Variants in ZSWIM5 observed in about 807,000 individuals in gnomAD.
The protein encoded by ZSWIM5 is zinc finger SWIM-type containing 5.
Under a neutral mutation model 119.6 loss-of-function variants are expected in ZSWIM5, and 55 were observed. That is an observed-to-expected ratio of 0.46 (90% CI 0.37 to 0.58). ZSWIM5 has a LOEUF of 0.58. ZSWIM5 is among the 20% of genes least tolerant of loss of function. ZSWIM5 has a pLI of 0.00. For missense variants in ZSWIM5, 1,193 were observed against 1,512.8 expected (o/e 0.79, Z 3.51); for synonymous variants, 537 against 606.9 (o/e 0.88, Z 1.69).
intron 11 of ZSWIM5, among the ~76,000 whole-genome samples, chr1:45,033,557 G>A (rs1644965119): frequency 6.6e-6 from 1 of 151,802 alleles, no homozygotes; most frequent in African/African-American, 2.4e-5. Flanking sequence ...GAGCTTAAAG[G>A]CCTGAGAATC....
intron 11 of ZSWIM5, among the ~76,000 whole-genome samples, 190 bp from the exon 12 acceptor site, chr1:45,020,978 T>C (rs1022756526): frequency 1.3e-5 from 2 of 152,098 alleles, no homozygotes; most frequent in Non-Finnish European, 2.9e-5. Context: ...CAGACCCCCA[T>C]GTGAATCCTA....
intron 1 of ZSWIM5, among the ~76,000 whole-genome samples, chr1:45,175,537 C>A (rs1460076157): frequency 2.0e-5 from 3 of 152,004 alleles, no homozygotes; most frequent in Non-Finnish European, 4.4e-5. Context: ...GCAGCCTTAA[C>A]CTTCTGGGCC....
rs1241175475 is a variant in ZSWIM5 at position 45,206,547 on chromosome 1, C to A, written c.-197G>T. 6.9e-6 allele frequency: 7 copies of A among 1,011,764 alleles called. No homozygotes were observed. Among genetic ancestry groups the A allele is most frequent in the Non-Finnish European group, 8.2e-6 (7 of 848,624 alleles). The allele number at this position is 1,011,764 out of a possible 1,614,324, so 62.7% of individuals were successfully genotyped here. On this transcript the variant is annotated 5_prime_UTR_variant, in exon 1 of 14. Coordinates refer to ENST00000359600, the MANE Select transcript of ZSWIM5 (RefSeq NM_020883.2). ...AGCGCGCCGCGAGGGCAGACGCGGGCGGCCTGCAGGGTAGCGTGAGGCGGC... is the reference window on the plus strand; with the variant it reads ...AGCGCGCCGCGAGGGCAGACGCGGGAGGCCTGCAGGGTAGCGTGAGGCGGC...
At chr1:45,193,950 A>C (rs1191086023) in intron 1 of ZSWIM5, among the ~76,000 whole-genome samples, 1 of 151,880 alleles carries the variant, frequency 6.6e-6, no homozygotes, top group African/African-American at 2.4e-5. Flanking sequence ...ATATATATAT[A>C]TATATACATA....
intron 1 of ZSWIM5, among the ~76,000 whole-genome samples, chr1:45,143,012 A>C (rs1274939419): frequency 6.6e-6 from 1 of 150,888 alleles, no homozygotes; most frequent in Non-Finnish European, 1.5e-5. Flanking sequence ...CTCTACCAAA[A>C]AAAAAAAAAA....
In ZSWIM5 at chr1:45,072,515, G is replaced by T. The variant is rs1645228106; in HGVS notation, c.953-12268C>A. 6.6e-6 allele frequency among the ~76,000 whole-genome samples: 1 copy of T among 151,916 alleles called. No individual in the cohort carries two copies. Among genetic ancestry groups the T allele is most frequent in the Admixed American group, 6.6e-5 (1 of 15,264 alleles). On this transcript the variant is annotated intron_variant, in intron 2 of 13. Coordinates refer to ENST00000359600, the MANE Select transcript of ZSWIM5 (RefSeq NM_020883.2). The surrounding 1 kb of genome is among the most constrained non-coding windows in gnomAD (Gnocchi z 4.1). The stretch of plus-strand genomic sequence containing the variant: ...TTTGCCCAGTCCAGTGTCCTAGAGA[G>T]TTTCCCCAATGTTTTCTTGTAGTAG...
chr1:45,121,381 C>G (rs1645591069), intron 1 of ZSWIM5, among the ~76,000 whole-genome samples: 1 of 152,150 alleles, frequency 6.6e-6, no homozygotes, highest in Non-Finnish European at 1.5e-5. Context: ...TTTAATGTTC[C>G]TCAGGATTCT....
At chr1:45,183,687 A>C (rs1254229325) in intron 1 of ZSWIM5, among the ~76,000 whole-genome samples, 1 of 152,232 alleles carries the variant, frequency 6.6e-6, no homozygotes, top group Non-Finnish European at 1.5e-5. Context: ...TACTCTCCCA[A>C]GACTAAACCA....
intron 2 of ZSWIM5, among the ~76,000 whole-genome samples, chr1:45,066,995 G>A (rs1645187666): frequency 4.6e-5 from 7 of 152,240 alleles, no homozygotes; most frequent in Admixed American, 4.6e-4. Flanking sequence ...ATGGCTAGAT[G>A]GTGGTGCTAT....
intron 1 of ZSWIM5, among the ~76,000 whole-genome samples, chr1:45,138,843 A>G (rs1206585027): frequency 6.6e-6 from 1 of 151,926 alleles, no homozygotes; most frequent in Non-Finnish European, 1.5e-5. Context: ...GACTTATGAA[A>G]AGCTGAAATA....
At chr1:45,145,890 T>C (rs2149035947) in intron 1 of ZSWIM5, among the ~76,000 whole-genome samples, 2 of 152,272 alleles carry the variant, frequency 1.3e-5, no homozygotes, top group East Asian at 3.9e-4. Context: ...ATGGAGCTGC[T>C]AACAAGGTAG....
intron 1 of ZSWIM5, among the ~76,000 whole-genome samples, chr1:45,185,452 A>C (rs1008807506): frequency 6.6e-6 from 1 of 152,032 alleles, no homozygotes; most frequent in African/African-American, 2.4e-5. Context: ...CTACGATCAG[A>C]GTGAACAGGC....
chr1:45,035,878 T>C, intron 9 of ZSWIM5, 55 bp from the exon 10 acceptor site: 1 of 1,600,780 alleles, frequency 6.2e-7, no homozygotes, highest in Non-Finnish European at 8.5e-7. Context: ...TCTGCCAGCC[T>C]GGACTTGAGC....
chr1:45,070,307 G>GT, intron 2 of ZSWIM5: 2 of 1,423,204 alleles, frequency 1.4e-6, no homozygotes, highest in Non-Finnish European at 2.0e-6. Flanking sequence ...TGATGAGGAA[G>GT]TAAGACGCCA....
At chr1:45,183,179 A>C (rs1409436514) in intron 1 of ZSWIM5, among the ~76,000 whole-genome samples, 3 of 151,752 alleles carry the variant, frequency 2.0e-5, no homozygotes, top group African/African-American at 7.3e-5. Flanking sequence ...AGGCAGAAAT[A>C]AAGATGTTCT....
In ZSWIM5 at chr1:45,123,154, G is replaced by A. The variant is rs74714502; in HGVS notation, c.596-34917C>T. Among the ~76,000 whole-genome samples, 337 of 151,934 alleles carry A rather than the reference G, an allele frequency of 2.2e-3. 1 individual carries two copies. Among genetic ancestry groups the A allele is most frequent in the African/African-American group, 7.5e-3 (311 of 41,512 alleles). Reference sequence around the variant, plus strand: ...AGTATCAGAGGAAACCAGCTAAAACGGAAGTTTAAATAAAATCCAGAGTCT... The same window carrying A: ...AGTATCAGAGGAAACCAGCTAAAACAGAAGTTTAAATAAAATCCAGAGTCT... On this transcript the variant is annotated intron_variant, in intron 1 of 13. Transcript: ENST00000359600.
intron 11 of ZSWIM5, among the ~76,000 whole-genome samples, chr1:45,031,324 A>G (rs1644951898): frequency 6.6e-6 from 1 of 150,452 alleles, no homozygotes; most frequent in South Asian, 2.1e-4. Context: ...TTATAGGCGC[A>G]TGCCACCATG....
intron 11 of ZSWIM5, among the ~76,000 whole-genome samples, chr1:45,022,428 C>A (rs979877857): frequency 2.6e-5 from 4 of 152,136 alleles, no homozygotes; most frequent in African/African-American, 4.8e-5. Context: ...CCGCACCTGA[C>A]CTCTATGATT....
rs565483093 is a variant in ZSWIM5, at chr1:45,067,005, T to A, written c.953-6758A>T. Among the ~76,000 whole-genome samples the A allele has an allele frequency of 3.3e-5, 5 of 152,322 alleles. No homozygotes were observed. The South Asian group carries it at 6.2e-4, about 19-fold the overall frequency. On this transcript the variant is annotated intron_variant, in intron 2 of 13. Transcript: ENST00000359600. ...ATTCCATGGCTAGATGGTGGTGCTATATGGTGAATACAGGAGGATAAATAA... is the reference window on the plus strand; with the variant it reads ...ATTCCATGGCTAGATGGTGGTGCTAAATGGTGAATACAGGAGGATAAATAA...
Sources: allele counts gnomAD v4.1 joint callset (sites outside exome capture counted in the v4.1 genomes callset), GRCh38; gene constraint gnomAD v4.1.1; non-coding constraint Gnocchi (gnomAD v3.1); transcripts MANE v1.5; gene names NCBI Gene and HGNC (gene_info 2026-07-23, HGNC 2026-07-21).